Variants in TENM3 observed in about 807,000 individuals in gnomAD.
TENM3 encodes the protein teneurin transmembrane protein 3.
A neutral mutation model predicts 255.1 loss-of-function variants in TENM3; 63 were observed. That is an observed-to-expected ratio of 0.25 (90% CI 0.20 to 0.30). The LOEUF is 0.30. TENM3 is among the 10% of genes least tolerant of loss of function. The pLI, the probability that TENM3 is intolerant of heterozygous loss-of-function variation, is 1.00. For synonymous variants in TENM3, 1,306 were observed against 1,322.3 expected, an observed-to-expected ratio of 0.99 and a Z score of 0.27; for missense variants, 2,929 against 3,461.1, an observed-to-expected ratio of 0.85 and a Z score of 3.86.
intron 1 of TENM3, among the ~76,000 whole-genome samples, chr4:182,201,402 T>C (rs1006482355): frequency 6.6e-6 from 1 of 152,188 alleles, no homozygotes; most frequent in East Asian, 1.9e-4. Flanking sequence ...AGACACATTT[T>C]CGATTAAGAT....
the TENM3 span, among the ~76,000 whole-genome samples, chr4:181,703,018 C>T: frequency 2.0e-5 from 3 of 152,044 alleles, no homozygotes; most frequent in Non-Finnish European, 4.4e-5. Flanking sequence ...ATAAGGTAGG[C>T]GAAATCATCA....
intron 1 of TENM3, among the ~76,000 whole-genome samples, chr4:182,178,843 C>G (rs921918058): frequency 6.6e-6 from 1 of 152,158 alleles, no homozygotes; most frequent in Non-Finnish European, 1.5e-5. Context: ...GCTTCTTAAA[C>G]AGGTGATGCA....
At chr4:182,520,373 A>G (rs1738444805) in intron 3 of TENM3, among the ~76,000 whole-genome samples, 1 of 152,224 alleles carries the variant, frequency 6.6e-6, no homozygotes, top group South Asian at 2.1e-4. Flanking sequence ...CATTTCCACC[A>G]GAGGCAAATA....
At chr4:182,683,201 TAAA>T (rs1024842323) in intron 11 of TENM3, among the ~76,000 whole-genome samples, 3 of 152,142 alleles carry the variant, frequency 2.0e-5, no homozygotes, top group Non-Finnish European at 4.4e-5. Flanking sequence ...TACTCATCTG[TAAA>T]ATCATGGGAC....
In TENM3 at chr4:182,288,124, C is replaced by T. The variant is rs141877934; in HGVS notation, c.-75-35822C>T. ...GCTAATTTTGTATTTATAGTAGAGA[C>T]GAGATTTCTCCGTGTTGGTCAGGCT... On this transcript the variant is annotated intron_variant, in intron 1 of 27. Transcript: ENST00000511685. Among the ~76,000 whole-genome samples, 10 of 151,270 alleles carry T rather than the reference C, an allele frequency of 6.6e-5. No homozygotes were observed. The East Asian group carries it at 7.8e-4, about 12-fold the overall frequency.
intron 11 of TENM3, among the ~76,000 whole-genome samples, chr4:182,687,218 C>A (rs1236680271): frequency 6.6e-6 from 1 of 151,990 alleles, no homozygotes; most frequent in Non-Finnish European, 1.5e-5. Context: ...TGTAAGAAAA[C>A]CAAAACTAAT....
intron 3 of TENM3, among the ~76,000 whole-genome samples, chr4:182,515,032 A>G (rs1404682154): frequency 6.6e-6 from 1 of 152,202 alleles, no homozygotes; most frequent in Non-Finnish European, 1.5e-5. Flanking sequence ...GCAGTGTCAA[A>G]TGCCAATAAT....
chr4:182,091,377 C>T, the TENM3 span, among the ~76,000 whole-genome samples: 1 of 152,136 alleles, frequency 6.6e-6, no homozygotes, highest in Admixed American at 6.6e-5. Flanking sequence ...GCTGAGGTGA[C>T]GTAAATATCA....
In TENM3 at chr4:182,609,239, G is replaced by C. The variant is rs547983744; in HGVS notation, c.749+8078G>C. Among the ~76,000 whole-genome samples the C allele has an allele frequency of 1.1e-4, 17 of 152,326 alleles. No individual in the cohort carries two copies. The South Asian group carries it at 1.2e-3, about 11-fold the overall frequency. On this transcript the variant is annotated intron_variant, in intron 4 of 27. Transcript: ENST00000511685. ...CTCCCAAAGTGCTGGTATTACAGGC[G>C]TGAGCCACCACACCCAGCCTTAATT...
the TENM3 span, among the ~76,000 whole-genome samples, chr4:181,839,382 T>TACACAC: frequency 3.2e-4 from 19 of 60,022 alleles, no homozygotes; most frequent in East Asian, 4.4e-3. Flanking sequence ...TATATATATA[T>TACACAC]ATACACCTAT....
intron 3 of TENM3, among the ~76,000 whole-genome samples, chr4:182,392,125 C>G (rs1262836971): frequency 6.6e-6 from 1 of 152,108 alleles, no homozygotes; most frequent in South Asian, 2.1e-4. Flanking sequence ...GTTCTTTTAT[C>G]TCAAATGGGG....
Position 182,685,656 on chromosome 4 carries a change from A to G in TENM3, c.2036-2510A>G, listed in dbSNP as rs1431920729. Among the ~76,000 whole-genome samples, 3 of 152,250 alleles carry G rather than the reference A, an allele frequency of 2.0e-5. No individual in the cohort carries two copies. The East Asian group carries it at 5.8e-4, about 29-fold the overall frequency. On this transcript the variant is annotated intron_variant, in intron 11 of 27. Coordinates refer to ENST00000511685, the MANE Select transcript of TENM3 (RefSeq NM_001080477.4). ...TTATAGAGATAATTACTTCTATAGT[A>G]AAGGTACTTGGTTCAGGTCTCTTAG...
At chr4:181,559,434 A>T in the TENM3 span, among the ~76,000 whole-genome samples, 1 of 152,210 alleles carries the variant, frequency 6.6e-6, no homozygotes, top group Admixed American at 6.5e-5. Context: ...GATTAAAGGG[A>T]TTCTAGACTC....
chr4:182,511,937 C>A (rs547157214), intron 3 of TENM3, among the ~76,000 whole-genome samples: 1 of 152,190 alleles, frequency 6.6e-6, no homozygotes, highest in Non-Finnish European at 1.5e-5. Flanking sequence ...AAAGAATAAA[C>A]TAGACTATTA....
chr4:181,825,204 C>T, the TENM3 span, among the ~76,000 whole-genome samples: 1 of 152,050 alleles, frequency 6.6e-6, no homozygotes, highest in Non-Finnish European at 1.5e-5. Context: ...AGACCAAGAC[C>T]ATCCTGGACA....
chr4:181,755,273 T>C, the TENM3 span, among the ~76,000 whole-genome samples: 1 of 152,212 alleles, frequency 6.6e-6, no homozygotes, highest in Non-Finnish European at 1.5e-5. Context: ...GTTTTTTCAT[T>C]ATTGTCGATT....
the TENM3 span, among the ~76,000 whole-genome samples, chr4:182,047,251 T>G: frequency 0.013 from 1,972 of 151,966 alleles, 51 homozygotes; most frequent in African/African-American, 0.044. Context: ...TATAGAAAAA[T>G]CTCCATAAGT....
the TENM3 span, among the ~76,000 whole-genome samples, chr4:181,603,918 A>G: frequency 6.6e-6 from 1 of 152,230 alleles, no homozygotes; most frequent in African/African-American, 2.4e-5. Context: ...GACCTATCAT[A>G]GCTATGTAAT....
Position 182,668,818 on chromosome 4 carries a change from G to C in TENM3, c.1112-4187G>C, listed in dbSNP as rs996432567. On this transcript the variant is annotated intron_variant, in intron 6 of 27. Coordinates refer to ENST00000511685, the MANE Select transcript of TENM3 (RefSeq NM_001080477.4). ...CCGGAAACCCTAGAAATCAGAACTT[G>C]GTTACCATTACCACAGCTAATCCTC... Among the ~76,000 whole-genome samples, 5 of 152,216 alleles carry C rather than the reference G, an allele frequency of 3.3e-5. No individual in the cohort carries two copies. The East Asian group carries it at 5.8e-4, about 18-fold the overall frequency.
Sources: gnomAD v4.1 joint callset for allele counts (sites outside exome capture counted in the v4.1 genomes callset) on GRCh38, gnomAD v4.1.1 for gene constraint, MANE v1.5 for transcripts, NCBI Gene and HGNC (gene_info 2026-07-23, HGNC 2026-07-21) for gene names.